CAMK1D: variants seen among roughly 807,000 people sequenced by gnomAD.
CAMK1D encodes calcium/calmodulin dependent protein kinase ID.
A neutral mutation model predicts 47.7 loss-of-function variants in CAMK1D; 9 were observed. That is an observed-to-expected ratio of 0.19 (90% confidence interval 0.11 to 0.33). The LOEUF (loss-of-function observed/expected upper bound fraction) is 0.33, where lower values mean the gene tolerates loss of function less well. Ranked by LOEUF, CAMK1D falls within the 10% of genes least tolerant of loss-of-function variation. The pLI, the probability that CAMK1D is intolerant of heterozygous loss-of-function variation, is 1.00. For synonymous variants in CAMK1D, 184 were observed against 184.9 expected (o/e 0.99, Z 0.04); for missense variants, 291 against 488.7 (o/e 0.60, Z 3.81).
At chr10:12,763,238 T>C (rs778486858) in intron 4 of CAMK1D, among the ~76,000 whole-genome samples, 2 of 152,170 alleles carry the variant, frequency 1.3e-5, no homozygotes, top group Non-Finnish European at 2.9e-5. Flanking sequence ...AAGTTGAAAT[T>C]GGACTACTAA....
rs542571162 is a variant in CAMK1D, at chr10:12,374,816, G to A, written c.92+24906G>A. On this transcript the variant is annotated intron_variant, in intron 1 of 10. Coordinates refer to ENST00000619168, the MANE Select transcript of CAMK1D (RefSeq NM_153498.4). ...AAATTAGCCGGGTGTGGTGGTGGGC[G>A]CTTGTAATCCCAGCTACTTGGGAGG... is the stretch of plus-strand genomic sequence containing the variant. Among the ~76,000 whole-genome samples the A allele has an allele frequency of 4.6e-5, 7 of 151,888 alleles. No individual in the cohort carries two copies. The South Asian group carries it at 8.3e-4, about 18-fold the overall frequency.
intron 1 of CAMK1D, among the ~76,000 whole-genome samples, chr10:12,517,789 A>G (rs1835255485): frequency 6.6e-6 from 1 of 152,112 alleles, no homozygotes; most frequent in Non-Finnish European, 1.5e-5. Flanking sequence ...TTTGTTAAGA[A>G]GTTTTGTGTC....
intron 1 of CAMK1D, among the ~76,000 whole-genome samples, chr10:12,496,758 CATGTGCAGG>C (rs1195425365): frequency 3.3e-5 from 5 of 152,144 alleles, no homozygotes; most frequent in African/African-American, 1.2e-4. Flanking sequence ...TTCTGAGGTC[CATGTGCAGG>C]ATGTGCAGGT....
intron 1 of CAMK1D, among the ~76,000 whole-genome samples, chr10:12,399,073 C>T (rs1264724797): frequency 6.6e-6 from 1 of 152,144 alleles, no homozygotes; most frequent in Non-Finnish European, 1.5e-5. Context: ...GTGGAAGGAG[C>T]ATGCCCTACT....
At chr10:12,789,436 C>A (rs1837880702) in intron 5 of CAMK1D, among the ~76,000 whole-genome samples, 1 of 152,218 alleles carries the variant, frequency 6.6e-6, no homozygotes, top group Admixed American at 6.5e-5. Flanking sequence ...TCAGCTCTTT[C>A]CTATCTAGCT....
intron 3 of CAMK1D, among the ~76,000 whole-genome samples, chr10:12,688,503 T>C (rs1358703303): frequency 6.6e-6 from 1 of 152,178 alleles, no homozygotes; most frequent in Non-Finnish European, 1.5e-5. Context: ...GCCTTAATTT[T>C]ACCAGTTTTT....
chr10:12,506,153 T>C (rs189013833), intron 1 of CAMK1D, among the ~76,000 whole-genome samples: 2 of 152,286 alleles, frequency 1.3e-5, no homozygotes, highest in East Asian at 3.9e-4. Flanking sequence ...GCATAGTGGC[T>C]CATGCCTGTA....
chr10:12,465,897 C>G (rs1833575181), intron 1 of CAMK1D, among the ~76,000 whole-genome samples: 1 of 152,164 alleles, frequency 6.6e-6, no homozygotes, highest in South Asian at 2.1e-4. Context: ...AGATTGCTGC[C>G]TGCCCACTGC....
intron 3 of CAMK1D, among the ~76,000 whole-genome samples, chr10:12,757,684 T>G (rs1382987384): frequency 6.6e-6 from 1 of 152,160 alleles, no homozygotes; most frequent in Non-Finnish European, 1.5e-5. Flanking sequence ...CTCACAGTTC[T>G]GGAGGCTGGA....
At chr10:12,650,585 C>T (rs1294530123) in intron 2 of CAMK1D, among the ~76,000 whole-genome samples, 1 of 152,108 alleles carries the variant, frequency 6.6e-6, no homozygotes, top group Non-Finnish European at 1.5e-5. Flanking sequence ...GCCGCAATGC[C>T]GTTCCAGGGT....
chr10:12,675,030 C>CAAAAAAAAAAAAA (rs771350871), intron 3 of CAMK1D, among the ~76,000 whole-genome samples: 1 of 53,240 alleles, frequency 1.9e-5, no homozygotes. Context: ...GACTCCATCT[C>CAAAAAAAAAAAAA]AAAAAAAAAA....
intron 8 of CAMK1D, 130 bp downstream of exon 8, chr10:12,816,458 C>A: frequency 1.4e-6 from 1 of 737,572 alleles, no homozygotes; most frequent in Non-Finnish European, 2.2e-6. Context: ...TCATTCTGGC[C>A]AGTGACTTTC....
At chr10:12,504,714 C>G (rs1219428682) in intron 1 of CAMK1D, among the ~76,000 whole-genome samples, 1 of 152,210 alleles carries the variant, frequency 6.6e-6, no homozygotes, top group Non-Finnish European at 1.5e-5. Context: ...GGGAACGTGT[C>G]CTGTCAAGAC....
chr10:12,722,870 C>T (rs1428171529), intron 3 of CAMK1D, among the ~76,000 whole-genome samples: 3 of 152,074 alleles, frequency 2.0e-5, no homozygotes, highest in Non-Finnish European at 4.4e-5. Flanking sequence ...AGTAAAGAGT[C>T]AGGAAATGTG....
At chr10:12,422,261 G>A (rs1304413191) in intron 1 of CAMK1D, among the ~76,000 whole-genome samples, 1 of 152,176 alleles carries the variant, frequency 6.6e-6, no homozygotes, top group Admixed American at 6.5e-5. Flanking sequence ...GGTGTTGAGG[G>A]GCAAACAAGT....
At chr10:12,519,101 C>A (rs1316684001) in intron 1 of CAMK1D, among the ~76,000 whole-genome samples, 1 of 97,562 alleles carries the variant, frequency 1.0e-5, no homozygotes, top group Non-Finnish European at 2.2e-5. Context: ...GATAGGGCGG[C>A]TGGCCGGGCG....
intron 2 of CAMK1D, among the ~76,000 whole-genome samples, chr10:12,604,403 A>G (rs1460400908): frequency 6.6e-6 from 1 of 152,188 alleles, no homozygotes; most frequent in African/African-American, 2.4e-5. Flanking sequence ...AAACAGGGAA[A>G]AAATACAGTG....
chr10:12,469,106 G>A (rs751658985), intron 1 of CAMK1D, among the ~76,000 whole-genome samples: 2 of 152,206 alleles, frequency 1.3e-5, no homozygotes, highest in South Asian at 2.1e-4. Context: ...AGAGGAAATG[G>A]GGTGAGGAGA....
At chr10:12,686,489 T>C (rs551309134) in intron 3 of CAMK1D, among the ~76,000 whole-genome samples, 1 of 152,040 alleles carries the variant, frequency 6.6e-6, no homozygotes, top group South Asian at 2.1e-4. Context: ...GTCCAGCTAA[T>C]TTTTTGTTAT....
Sources: allele counts gnomAD v4.1 joint callset (sites outside exome capture counted in the v4.1 genomes callset), GRCh38; gene constraint gnomAD v4.1.1; transcripts MANE v1.5; gene names NCBI Gene and HGNC (gene_info 2026-07-23, HGNC 2026-07-21).